Variants in UFM1 observed in about 807,000 individuals in gnomAD.
The protein encoded by UFM1 is ubiquitin-fold modifier 1.
UFM1 carries 9 observed loss-of-function variants against 15.4 expected under a neutral mutation model. The ratio of observed to expected loss-of-function variants is 0.59; its 90% CI spans 0.35 to 1.02. The LOEUF (loss-of-function observed/expected upper bound fraction) is 1.02, where lower values mean the gene tolerates loss of function less well. UFM1 is among the 50% of genes least tolerant of loss of function. UFM1 has a pLI of 0.02. For missense variants in UFM1, 98 were observed against 104.7 expected (o/e 0.94, Z 0.28); for synonymous variants, 27 against 36.3 (o/e 0.74, Z 0.92).
chr13:38,350,435 A>T (rs1476291730), intron 2 of UFM1, among the ~76,000 whole-genome samples: 1 of 152,190 alleles, frequency 6.6e-6, no homozygotes. Flanking sequence ...CGCTTTGGCC[A>T]GCTGGTTGAG....
Position 38,360,815 on chromosome 13 carries a change from T to C in UFM1, c.*37T>C. On this transcript the variant is annotated 3_prime_UTR_variant, in exon 6 of 6. Coordinates refer to ENST00000239878, the MANE Select transcript of UFM1 (RefSeq NM_016617.4). ...TGGAACATACGATTGCCTTTCAGAA[T>C]AAATATTGGTATTTTTTGTTGTTGT... is the stretch of plus-strand genomic sequence containing the variant. The C allele has an allele frequency of 6.6e-7, 1 of 1,518,184 alleles. No homozygotes were observed. Among genetic ancestry groups the C allele is most frequent in the Non-Finnish European group, 9.1e-7 (1 of 1,101,076 alleles). The allele number at this position is 1,518,184 out of a possible 1,614,324, so 94.0% of individuals were successfully genotyped here.
chr13:38,350,079 C>A (rs200825211), intron 2 of UFM1, 24 bp downstream of exon 2: 3 of 1,614,208 alleles, frequency 1.9e-6, no homozygotes, highest in Middle Eastern at 3.3e-4. Flanking sequence ...CCGAGATGGG[C>A]CTTTTGGGGC....
chr13:38,351,823 A>ATGTATGTGTGCGTGTGTAGTTGTGTG, intron 2 of UFM1, among the ~76,000 whole-genome samples: 1 of 152,210 alleles, frequency 6.6e-6, no homozygotes, highest in South Asian at 2.1e-4. Context: ...GTTGTTTAGT[A>ATGTATGTGTGCGTGTGTAGTTGTGTG]TGTATGTGTG....
chr13:38,356,719 A>AC (rs1397224439), intron 3 of UFM1, among the ~76,000 whole-genome samples: 1 of 151,010 alleles, frequency 6.6e-6, no homozygotes, highest in Non-Finnish European at 1.5e-5. Flanking sequence ...AAAAAAAAAA[A>AC]ACTTCATGAA....
rs118118396 is a variant in UFM1 at position 38,356,155 on chromosome 13, C to T, written c.117+1859C>T. On this transcript the variant is annotated intron_variant, in intron 3 of 5. Coordinates refer to ENST00000239878, the MANE Select transcript of UFM1 (RefSeq NM_016617.4). The stretch of plus-strand genomic sequence containing the variant: ...CCTCATGGTTTAACCATTTCTTCCA[C>T]ATTCTGCCTAAAGGGAAAACTGTGT... 8.8e-3 allele frequency among the ~76,000 whole-genome samples: 1,343 copies of T among 152,022 alleles called. 6 individuals carry two copies. Among genetic ancestry groups the T allele is most frequent in the Middle Eastern group, 0.017 (5 of 294 alleles).
intron 2 of UFM1, chr13:38,350,348 C>T (rs1878779961): frequency 1.0e-6 from 1 of 994,758 alleles, no homozygotes; most frequent in African/African-American, 1.6e-5. Context: ...CGCGGGAGGA[C>T]AGGTGGACCA....
intron 2 of UFM1, among the ~76,000 whole-genome samples, chr13:38,352,015 G>A (rs1454954483): frequency 6.6e-6 from 1 of 151,088 alleles, no homozygotes; most frequent in Non-Finnish European, 1.5e-5. Context: ...GTTCTTTTCT[G>A]TGCTTAGAAT....
At chr13:38,356,942 C>G (rs1465606807) in intron 3 of UFM1, among the ~76,000 whole-genome samples, 1 of 151,874 alleles carries the variant, frequency 6.6e-6, no homozygotes, top group African/African-American at 2.4e-5. Flanking sequence ...ACTTTGGCAA[C>G]TGCTGGTCTC....
chr13:38,362,666 A>G lies in UFM1; in HGVS notation c.*1888A>G, dbSNP rs1010562063. 2 of 152,068 alleles carry G rather than the reference A, an allele frequency of 1.3e-5. No individual in the cohort carries two copies. Among genetic ancestry groups the G allele is most frequent in the African/African-American group, 4.8e-5 (2 of 41,434 alleles). 9.4% of individuals were successfully genotyped at this position (152,068 alleles called of 1,614,324 possible). On this transcript the variant is annotated 3_prime_UTR_variant, in exon 6 of 6. Coordinates refer to ENST00000239878, the MANE Select transcript of UFM1 (RefSeq NM_016617.4). Reference sequence around the variant, plus strand: ...TTTCTTACAATAAATGTTGAGTCTTAGTTAAGCAGGAATTTATGAACACCC... The same window carrying G: ...TTTCTTACAATAAATGTTGAGTCTTGGTTAAGCAGGAATTTATGAACACCC...
At chr13:38,354,548 T>G in intron 3 of UFM1, 1 of 343,856 alleles carries the variant, frequency 2.9e-6, no homozygotes, top group Non-Finnish European at 5.2e-6. Context: ...TGAGAATTTT[T>G]ATGAAAACTA....
chr13:38,356,841 A>G (rs1396130226), intron 3 of UFM1, among the ~76,000 whole-genome samples: 3 of 151,876 alleles, frequency 2.0e-5, no homozygotes, highest in African/African-American at 4.8e-5. Context: ...CTTGATCACA[A>G]AACTCAACTA....
At position 38,359,723 on chromosome 13, in the gene UFM1, TA is replaced by T. The variant is rs751569524; in HGVS notation, c.190+391del. The T allele has an allele frequency of 4.2e-4, 68 of 161,782 alleles. No individual in the cohort carries two copies. The East Asian group carries it at 8.9e-3, about 21-fold the overall frequency. 10.0% of individuals were successfully genotyped at this position (161,782 alleles called of 1,614,324 possible). On this transcript the variant is annotated intron_variant, in intron 5 of 5. Transcript: ENST00000239878. The stretch of plus-strand genomic sequence containing the variant: ...ATAGAAAGCATTCATTAAGTGCTAT[TA>T]TTTTTTTTAAATATAGTCATTTACA...
chr13:38,352,394 G>A (rs1878901552), intron 2 of UFM1, among the ~76,000 whole-genome samples: 1 of 152,076 alleles, frequency 6.6e-6, no homozygotes, highest in South Asian at 2.1e-4. Flanking sequence ...ACCCCTTCTG[G>A]CCAAAGATTT....
rs955474264 is a variant in UFM1 at position 38,362,796 on chromosome 13, A to G, written c.*2018A>G. 4 of 152,160 alleles carry G rather than the reference A, an allele frequency of 2.6e-5. No individual in the cohort carries two copies. The highest frequency in any genetic ancestry group is 9.7e-5 in the African/African-American group (4 of 41,446). The allele number at this position is 152,160 out of a possible 1,614,324, so 9.4% of individuals were successfully genotyped here. On this transcript the variant is annotated 3_prime_UTR_variant, in exon 6 of 6. Coordinates refer to ENST00000239878, the MANE Select transcript of UFM1 (RefSeq NM_016617.4). ...ATAAATTTATGTTGTCCTGTGCCAT[A>G]AAGTGATATATTTAATATTTTTATT...
intron 2 of UFM1, among the ~76,000 whole-genome samples, chr13:38,353,110 G>GAATACTATTTAAT (rs1267156225): frequency 6.6e-6 from 1 of 152,104 alleles, no homozygotes; most frequent in African/African-American, 2.4e-5. Flanking sequence ...TAGTATTTTG[G>GAATACTATTTAAT]AGTTGTGGAA....
chr13:38,356,658 A>C (rs937961816), intron 3 of UFM1, among the ~76,000 whole-genome samples: 4 of 143,732 alleles, frequency 2.8e-5, no homozygotes, highest in Admixed American at 7.2e-5. Context: ...TGCCTAGAGT[A>C]GTGTTTCCCA....
At chr13:38,350,271 G>C (rs766174458) in intron 2 of UFM1, 1 of 1,553,098 alleles carries the variant, frequency 6.4e-7, no homozygotes, top group Non-Finnish European at 8.7e-7. Context: ...GCTTGGCCCC[G>C]TCACGAGGGT....
chr13:38,357,154 T>G (rs1879138935), intron 3 of UFM1, among the ~76,000 whole-genome samples: 2 of 151,940 alleles, frequency 1.3e-5, no homozygotes. Context: ...ATTGGACTAT[T>G]GCAATCCTTG....
intron 3 of UFM1, among the ~76,000 whole-genome samples, chr13:38,355,664 TTACAG>T (rs1270464581): frequency 6.6e-6 from 1 of 151,760 alleles, no homozygotes; most frequent in African/African-American, 2.4e-5. Context: ...TAAGTAAAGC[TTACAG>T]TAGAGTAAGC....
Sources: gnomAD v4.1 joint callset for allele counts (sites outside exome capture counted in the v4.1 genomes callset) on GRCh38, gnomAD v4.1.1 for gene constraint, MANE v1.5 for transcripts, NCBI Gene and HGNC (gene_info 2026-07-23, HGNC 2026-07-21) for gene names.